Variants in ATP8A1 observed in about 807,000 individuals in gnomAD.
ATP8A1 encodes the protein phospholipid-transporting ATPase IA.
A neutral mutation model predicts 177.7 loss-of-function variants in ATP8A1; 90 were observed. That is an observed-to-expected ratio of 0.51 (90% confidence interval 0.43 to 0.60). The LOEUF (loss-of-function observed/expected upper bound fraction) is 0.60. Ranked by LOEUF, ATP8A1 falls within the 20% of genes least tolerant of loss-of-function variation. ATP8A1 has a pLI of 0.00. For missense variants in ATP8A1, 1,072 were observed against 1,392.8 expected, an observed-to-expected ratio of 0.77 and a Z score of 3.67; for synonymous variants, 493 against 485.9, an observed-to-expected ratio of 1.01 and a Z score of -0.19.
intron 18 of ATP8A1, among the ~76,000 whole-genome samples, chr4:42,550,353 T>C (rs1264765728): frequency 6.6e-6 from 1 of 152,202 alleles, no homozygotes; most frequent in African/African-American, 2.4e-5. Context: ...CTTCTATTGA[T>C]GGGCATTTGG....
At chr4:42,600,383 C>G (rs778607492) in intron 6 of ATP8A1, 95 bp downstream of exon 6, 2 of 925,236 alleles carry the variant, frequency 2.2e-6, no homozygotes, top group Non-Finnish European at 3.0e-6. Flanking sequence ...TAGTAAAATT[C>G]TTCACATTTG....
chr4:42,433,514 G>A (rs1380372701), intron 33 of ATP8A1, among the ~76,000 whole-genome samples: 1 of 152,252 alleles, frequency 6.6e-6, no homozygotes, highest in East Asian at 1.9e-4. Flanking sequence ...AAACTAGACA[G>A]GGCAGAACAC....
chr4:42,478,705 GA>G (rs1422078391), intron 25 of ATP8A1, among the ~76,000 whole-genome samples: 2 of 152,164 alleles, frequency 1.3e-5, no homozygotes, highest in Non-Finnish European at 2.9e-5. Context: ...AGAACAGAGG[GA>G]AGGCACCGCA....
intron 23 of ATP8A1, among the ~76,000 whole-genome samples, chr4:42,504,394 C>A (rs1159089789): frequency 6.6e-6 from 1 of 152,252 alleles, no homozygotes; most frequent in African/African-American, 2.4e-5. Context: ...ACTTTCCCTT[C>A]AGTTTTCATC....
chr4:42,420,962 T>C (rs1577896674), intron 35 of ATP8A1, among the ~76,000 whole-genome samples: 2 of 151,620 alleles, frequency 1.3e-5, no homozygotes, highest in African/African-American at 2.4e-5. Context: ...TAGAGACGGG[T>C]TTTCACTGTG....
chr4:42,576,414 C>T (rs1267493243), intron 12 of ATP8A1, among the ~76,000 whole-genome samples: 6 of 133,788 alleles, frequency 4.5e-5, no homozygotes, highest in Admixed American at 2.6e-4. Context: ...TGGCAAAGCT[C>T]GCAGTGAGCC....
intron 20 of ATP8A1, among the ~76,000 whole-genome samples, chr4:42,531,703 T>C (rs1393469687): frequency 2.0e-5 from 3 of 152,138 alleles, no homozygotes; most frequent in Non-Finnish European, 2.9e-5. Context: ...TTTTAATAAA[T>C]GAATTCAGTC....
chr4:42,445,486 C>A (rs1223654157), intron 31 of ATP8A1, among the ~76,000 whole-genome samples: 2 of 151,920 alleles, frequency 1.3e-5, no homozygotes, highest in African/African-American at 4.8e-5. Flanking sequence ...TATAATAATA[C>A]AATCTTAAAT....
intron 20 of ATP8A1, among the ~76,000 whole-genome samples, chr4:42,539,034 A>C (rs1728116705): frequency 6.6e-6 from 1 of 152,216 alleles, no homozygotes; most frequent in South Asian, 2.1e-4. Flanking sequence ...AAGTAGATAA[A>C]GAAAATGTGG....
At chr4:42,494,028 C>A (rs913973733) in intron 24 of ATP8A1, among the ~76,000 whole-genome samples, 21 of 144,660 alleles carry the variant, frequency 1.5e-4, no homozygotes, top group African/African-American at 5.4e-4. Flanking sequence ...ATGGTGAAAC[C>A]CCTTCTCTAC....
intron 6 of ATP8A1, among the ~76,000 whole-genome samples, chr4:42,591,321 G>GA (rs71200294): frequency 1.3e-5 from 2 of 149,818 alleles, no homozygotes; most frequent in African/African-American, 2.5e-5. Context: ...ATAGGGTCTT[G>GA]AAAAAAAAAG....
At chr4:42,622,732 G>A (rs1737607619) in intron 4 of ATP8A1, among the ~76,000 whole-genome samples, 2 of 152,158 alleles carry the variant, frequency 1.3e-5, no homozygotes, top group South Asian at 4.1e-4. Flanking sequence ...GAAAAGGGCT[G>A]GGTGCAGTGG....
chr4:42,492,134 T>C (rs968962378), intron 24 of ATP8A1, among the ~76,000 whole-genome samples: 2 of 151,960 alleles, frequency 1.3e-5, no homozygotes, highest in African/African-American at 4.8e-5. Context: ...AACAAAAAAG[T>C]AAAAGGAAAA....
intron 14 of ATP8A1, among the ~76,000 whole-genome samples, chr4:42,572,711 G>T (rs1732029474): frequency 2.0e-5 from 3 of 152,124 alleles, no homozygotes. Flanking sequence ...GTTAAAATTT[G>T]CAAACAAATA....
At chr4:42,622,140 C>T (rs1372424626) in intron 4 of ATP8A1, among the ~76,000 whole-genome samples, 3 of 151,416 alleles carry the variant, frequency 2.0e-5, no homozygotes, top group Admixed American at 1.3e-4. Flanking sequence ...TTTTGGGAGG[C>T]CAAGGTGGGT....
intron 1 of ATP8A1, among the ~76,000 whole-genome samples, chr4:42,633,890 G>A (rs1397844892): frequency 6.6e-6 from 1 of 152,166 alleles, no homozygotes; most frequent in African/African-American, 2.4e-5. Flanking sequence ...GAAGATAAGG[G>A]ACAGTTGTCA....
At chr4:42,524,314 A>G (rs780687331) in intron 21 of ATP8A1, among the ~76,000 whole-genome samples, 2 of 152,230 alleles carry the variant, frequency 1.3e-5, no homozygotes, top group Non-Finnish European at 2.9e-5. Context: ...TAACAATTTT[A>G]ATAGTTACGT....
At chr4:42,598,630 T>G (rs1254675726) in intron 6 of ATP8A1, among the ~76,000 whole-genome samples, 1 of 152,190 alleles carries the variant, frequency 6.6e-6, no homozygotes, top group Non-Finnish European at 1.5e-5. Context: ...TCTGGGAATA[T>G]GACATACTTG....
At chr4:42,520,530 G>A (rs1726006968) in intron 22 of ATP8A1, among the ~76,000 whole-genome samples, 1 of 152,034 alleles carries the variant, frequency 6.6e-6, no homozygotes, top group South Asian at 2.1e-4. Context: ...ATATAAATAT[G>A]TTAGGAAATG....
Sources: allele counts gnomAD v4.1 joint callset (sites outside exome capture counted in the v4.1 genomes callset), GRCh38; gene constraint gnomAD v4.1.1; transcripts MANE v1.5; gene names NCBI Gene and HGNC (gene_info 2026-07-23, HGNC 2026-07-21).